Variants in LSAMP observed in about 807,000 individuals in gnomAD.
The protein encoded by LSAMP is limbic system associated membrane protein, also known as limbic system-associated membrane protein.
LSAMP carries 7 observed loss-of-function variants against 38.6 expected under a neutral mutation model. The ratio of observed to expected loss-of-function variants is 0.18; its 90% confidence interval spans 0.10 to 0.34. LSAMP has a LOEUF of 0.34. Among genes scored for constraint, LSAMP ranks in the 10% least tolerant of loss-of-function variants. The probability of loss-of-function intolerance (pLI) is 1.00; values close to 1 mark genes in which losing one functional copy is unlikely to be tolerated. For synonymous variants in LSAMP, 154 were observed against 166.8 expected, an observed-to-expected ratio of 0.92 and a Z score of 0.59; for missense variants, 313 against 420.0, an observed-to-expected ratio of 0.75 and a Z score of 2.23.
At chr3:116,161,098 G>A (rs1709876473) in intron 1 of LSAMP, among the ~76,000 whole-genome samples, 1 of 152,146 alleles carries the variant, frequency 6.6e-6, no homozygotes, top group Non-Finnish European at 1.5e-5. Context: ...ATTATTTTAA[G>A]TGTGAATGGT....
intron 2 of LSAMP, among the ~76,000 whole-genome samples, chr3:116,057,900 C>T (rs760018508): frequency 4.0e-5 from 6 of 151,038 alleles, no homozygotes; most frequent in Non-Finnish European, 7.4e-5. Context: ...TTTGAATTCC[C>T]TTCAGCTTGA....
chr3:116,412,986 A>G (rs1039603481), intron 1 of LSAMP, among the ~76,000 whole-genome samples: 1 of 152,096 alleles, frequency 6.6e-6, no homozygotes, highest in Non-Finnish European at 1.5e-5. Flanking sequence ...TGGCTACCAC[A>G]GTGATTCTCA....
rs72950145 is a variant in LSAMP, at chr3:116,324,543, C to A, written c.155+120334G>T. ...CAGAGTGTGTAGTGATAAAACGTTT[C>A]ATTAATACTAGAGTCATAATCTATT... is the stretch of plus-strand genomic sequence containing the variant. On this transcript the variant is annotated intron_variant, in intron 1 of 6. Transcript: ENST00000490035. 7.7e-3 allele frequency among the ~76,000 whole-genome samples: 1,165 copies of A among 152,240 alleles called. 24 individuals are homozygous for A. The highest frequency in any genetic ancestry group is 0.026 in the African/African-American group (1,092 of 41,550).
intron 3 of LSAMP, among the ~76,000 whole-genome samples, chr3:115,873,992 T>G (rs559110952): frequency 6.6e-6 from 1 of 152,300 alleles, no homozygotes; most frequent in South Asian, 2.1e-4. Context: ...AGAGCCTCTA[T>G]GTAATAAGAA....
intron 3 of LSAMP, among the ~76,000 whole-genome samples, chr3:115,973,378 G>T (rs981941599): frequency 2.0e-5 from 3 of 152,034 alleles, no homozygotes; most frequent in African/African-American, 7.2e-5. Flanking sequence ...TTCAGATTTT[G>T]GAATATTTGC....
At chr3:116,400,080 C>T (rs1273370235) in intron 1 of LSAMP, among the ~76,000 whole-genome samples, 5 of 152,188 alleles carry the variant, frequency 3.3e-5, no homozygotes, top group African/African-American at 4.8e-5. Context: ...ATTAAGGCTA[C>T]AGTAATACTT....
chr3:116,199,531 T>C (rs1455088807), intron 1 of LSAMP, among the ~76,000 whole-genome samples: 1 of 152,124 alleles, frequency 6.6e-6, no homozygotes, highest in Non-Finnish European at 1.5e-5. Context: ...TAGCACAGAG[T>C]AGAAGTGTAA....
chr3:116,119,320 T>G (rs2107484673), intron 1 of LSAMP, among the ~76,000 whole-genome samples: 1 of 152,100 alleles, frequency 6.6e-6, no homozygotes. Flanking sequence ...GATTGTTATC[T>G]GTTACAGAAA....
intron 1 of LSAMP, among the ~76,000 whole-genome samples, chr3:116,104,028 T>C (rs1016140124): frequency 1.3e-5 from 2 of 152,178 alleles, no homozygotes; most frequent in South Asian, 4.1e-4. Flanking sequence ...GATCAAAGAA[T>C]GCATTGTTTA....
At chr3:116,045,369 T>C (rs934169206) in intron 2 of LSAMP, among the ~76,000 whole-genome samples, 2 of 152,106 alleles carry the variant, frequency 1.3e-5, no homozygotes, top group Non-Finnish European at 1.5e-5. Context: ...TCACAATGAA[T>C]GTCTTTGAAG....
chr3:116,064,620 C>T (rs77822707), intron 2 of LSAMP, among the ~76,000 whole-genome samples: 2,965 of 151,242 alleles, frequency 0.02, 92 homozygotes, highest in African/African-American at 0.066. Context: ...TTAACAGATA[C>T]AATTAAAATG....
chr3:115,854,286 T>TATTTA, intron 3 of LSAMP, among the ~76,000 whole-genome samples: 2 of 116,508 alleles, frequency 1.7e-5, no homozygotes, highest in Admixed American at 1.7e-4. Flanking sequence ...ATTATTATTT[T>TATTTA]TTTTTTTTTT....
intron 1 of LSAMP, among the ~76,000 whole-genome samples, chr3:116,160,425 A>T (rs1709859823): frequency 7.3e-6 from 1 of 137,592 alleles, no homozygotes; most frequent in Admixed American, 7.3e-5. Context: ...AGAGGGAGGG[A>T]GGGAGGGAGA....
intron 1 of LSAMP, among the ~76,000 whole-genome samples, chr3:116,205,218 T>A (rs1216826448): frequency 2.0e-5 from 3 of 149,056 alleles, no homozygotes; most frequent in African/African-American, 7.4e-5. Flanking sequence ...GTTGTTGGTG[T>A]ATAAGAATGC....
chr3:116,310,160 A>G (rs1349639470), intron 1 of LSAMP, among the ~76,000 whole-genome samples: 3 of 150,456 alleles, frequency 2.0e-5, no homozygotes, highest in Non-Finnish European at 4.4e-5. Flanking sequence ...AACTCAATCT[A>G]TCTGGGAACA....
intron 1 of LSAMP, among the ~76,000 whole-genome samples, chr3:116,262,974 T>TTAA (rs1206702735): frequency 3.9e-5 from 6 of 152,124 alleles, no homozygotes; most frequent in African/African-American, 1.2e-4. Flanking sequence ...TTAAAAAATC[T>TTAA]TAATTTTTCG....
intron 6 of LSAMP, among the ~76,000 whole-genome samples, chr3:115,815,075 T>C (rs1410719997): frequency 6.6e-6 from 1 of 152,184 alleles, no homozygotes; most frequent in Admixed American, 6.5e-5. Flanking sequence ...TAGTCCCCCC[T>C]TATCAGTGGC....
At chr3:116,281,289 T>C (rs2047123339) in intron 1 of LSAMP, among the ~76,000 whole-genome samples, 1 of 152,238 alleles carries the variant, frequency 6.6e-6, no homozygotes, top group African/African-American at 2.4e-5. Flanking sequence ...TTTTGCCTTC[T>C]ATTTTTCAAG....
intron 3 of LSAMP, among the ~76,000 whole-genome samples, chr3:115,903,575 G>C (rs1473532878): frequency 6.6e-6 from 1 of 152,188 alleles, no homozygotes; most frequent in Non-Finnish European, 1.5e-5. Context: ...ACCCTCACAG[G>C]AGGATGGAGA....
Sources: gnomAD v4.1 joint callset for allele counts (sites outside exome capture counted in the v4.1 genomes callset) on GRCh38, gnomAD v4.1.1 for gene constraint, MANE v1.5 for transcripts, NCBI Gene and HGNC (gene_info 2026-07-23, HGNC 2026-07-21) for gene names.